CSMD1: variants seen among roughly 807,000 people sequenced by gnomAD.
CSMD1 encodes the protein CUB and sushi domain-containing protein 1.
In CSMD1, 213 loss-of-function variants were observed where a neutral mutation model predicts 417.5. That is an observed-to-expected ratio of 0.51 (90% CI 0.46 to 0.57). CSMD1 has a LOEUF of 0.57. Ranked by LOEUF, CSMD1 falls within the 20% of genes least tolerant of loss-of-function variation. The pLI is 0.00. For missense variants in CSMD1, 6,923 were observed against 4,529.7 expected (o/e 1.53, Z -15.17); for synonymous variants, 2,862 against 1,736.8 (o/e 1.65, Z -16.11).
chr8:3,460,348 T>G (rs1483709946), intron 12 of CSMD1, among the ~76,000 whole-genome samples: 1 of 152,074 alleles, frequency 6.6e-6, no homozygotes, highest in Non-Finnish European at 1.5e-5. Context: ...ACATCAAGTG[T>G]ATGTGAGTGG....
intron 5 of CSMD1, among the ~76,000 whole-genome samples, chr8:3,846,243 A>C (rs1468970768): frequency 1.3e-5 from 2 of 152,200 alleles, no homozygotes; most frequent in Non-Finnish European, 2.9e-5. Context: ...AGATACGTCC[A>C]CAATGCACCA....
At chr8:4,029,309 T>C (rs1797222140) in intron 4 of CSMD1, among the ~76,000 whole-genome samples, 1 of 152,150 alleles carries the variant, frequency 6.6e-6, no homozygotes, top group South Asian at 2.1e-4. Context: ...TTCACGCTGG[T>C]GATAATGCAT....
At chr8:3,622,988 A>G (rs1796328836) in intron 7 of CSMD1, among the ~76,000 whole-genome samples, 1 of 152,240 alleles carries the variant, frequency 6.6e-6, no homozygotes, top group Non-Finnish European at 1.5e-5. Flanking sequence ...CATAGAACAC[A>G]TGACATAGAT....
In CSMD1 at chr8:3,169,702, A is replaced by G. The variant is rs137952732; in HGVS notation, c.5726-7425T>C. Among the ~76,000 whole-genome samples the G allele has an allele frequency of 4.0e-3, 586 of 147,844 alleles. 6 individuals are homozygous for G. Among genetic ancestry groups the G allele is most frequent in the African/African-American group, 0.013 (535 of 40,324 alleles). On this transcript the variant is annotated intron_variant, in intron 37 of 69. Coordinates refer to ENST00000635120, the MANE Select transcript of CSMD1 (RefSeq NM_033225.6). ...ATAGAAAGGACTGAGGAGCCCGCTGAGTCTAGAGCTAGAAATATAGCACAA... is the reference window on the plus strand; with the variant it reads ...ATAGAAAGGACTGAGGAGCCCGCTGGGTCTAGAGCTAGAAATATAGCACAA...
intron 5 of CSMD1, among the ~76,000 whole-genome samples, chr8:3,834,898 G>C (rs886776192): frequency 6.6e-6 from 1 of 151,972 alleles, no homozygotes; most frequent in Admixed American, 6.6e-5. Flanking sequence ...CCATCAAAAA[G>C]TGGGTGAAGG....
chr8:3,401,622 G>T (rs1812044000), intron 15 of CSMD1, among the ~76,000 whole-genome samples: 1 of 152,196 alleles, frequency 6.6e-6, no homozygotes, highest in African/African-American at 2.4e-5. Flanking sequence ...AGTAGCTACA[G>T]TTGGAAGTGA....
At chr8:3,977,268 G>T (rs1813505603) in intron 5 of CSMD1, among the ~76,000 whole-genome samples, 1 of 152,048 alleles carries the variant, frequency 6.6e-6, no homozygotes, top group Admixed American at 6.6e-5. Context: ...CCCACACTAT[G>T]ATCCAAGGAG....
intron 10 of CSMD1, among the ~76,000 whole-genome samples, chr8:3,545,699 C>T (rs148268044): frequency 9.2e-5 from 14 of 152,232 alleles, no homozygotes; most frequent in Admixed American, 6.5e-4. Context: ...CACTTAACTG[C>T]GAATCACAGC....
At chr8:4,281,849 C>T (rs982783611) in intron 3 of CSMD1, among the ~76,000 whole-genome samples, 1 of 152,114 alleles carries the variant, frequency 6.6e-6, no homozygotes, top group Admixed American at 6.5e-5. Context: ...CATAAACACA[C>T]CTAACATGCA....
intron 3 of CSMD1, among the ~76,000 whole-genome samples, chr8:4,145,092 G>C (rs1412745158): frequency 6.6e-6 from 1 of 151,168 alleles, no homozygotes; most frequent in Non-Finnish European, 1.5e-5. Context: ...TGTTAAAAAT[G>C]TAACTTGGTT....
intron 2 of CSMD1, among the ~76,000 whole-genome samples, chr8:4,580,608 C>T (rs921539506): frequency 6.6e-6 from 1 of 152,062 alleles, no homozygotes; most frequent in Non-Finnish European, 1.5e-5. Flanking sequence ...CATAACTGCT[C>T]TCTCCCCTCC....
chr8:4,165,663 A>G (rs1230084849), intron 3 of CSMD1, among the ~76,000 whole-genome samples: 1 of 152,172 alleles, frequency 6.6e-6, no homozygotes, highest in Non-Finnish European at 1.5e-5. Flanking sequence ...TTGGCCTCCC[A>G]AAGTGCCGGA....
intron 3 of CSMD1, among the ~76,000 whole-genome samples, chr8:4,194,314 G>A (rs1799206606): frequency 6.6e-6 from 1 of 152,078 alleles, no homozygotes; most frequent in Admixed American, 6.6e-5. Context: ...ATTCCTATAG[G>A]ATGGGATTTA....
intron 2 of CSMD1, among the ~76,000 whole-genome samples, chr8:4,511,878 C>T (rs940544379): frequency 7.2e-5 from 11 of 152,138 alleles, no homozygotes; most frequent in African/African-American, 2.7e-4. Flanking sequence ...CCTCCTCCTG[C>T]TTCCAGCTTG....
chr8:4,875,824 GACACACACAC>G (rs146525901), intron 1 of CSMD1, among the ~76,000 whole-genome samples: 1 of 149,842 alleles, frequency 6.7e-6, no homozygotes, highest in Admixed American at 6.7e-5. Flanking sequence ...CACAGAGACA[GACACACACAC>G]ACACACACAA....
intron 49 of CSMD1, among the ~76,000 whole-genome samples, chr8:3,085,378 A>G (rs1204243831): frequency 6.6e-6 from 1 of 152,224 alleles, no homozygotes; most frequent in East Asian, 1.9e-4. Context: ...TACTTCTTAA[A>G]TATTTTATAA....
chr8:3,837,225 G>A (rs951468802), intron 5 of CSMD1, among the ~76,000 whole-genome samples: 4 of 152,068 alleles, frequency 2.6e-5, no homozygotes, highest in Admixed American at 6.5e-5. Flanking sequence ...TTCCAGAATA[G>A]ATGTGCATAG....
intron 3 of CSMD1, among the ~76,000 whole-genome samples, chr8:4,058,948 G>C (rs1023823179): frequency 2.0e-5 from 3 of 152,000 alleles, no homozygotes; most frequent in Non-Finnish European, 2.9e-5. Flanking sequence ...GGGCCTAACA[G>C]ACATCTACAG....
chr8:4,796,166 G>A (rs1024478528), intron 1 of CSMD1, among the ~76,000 whole-genome samples: 4 of 151,696 alleles, frequency 2.6e-5, no homozygotes, highest in Admixed American at 6.6e-5. Flanking sequence ...AGGTGGTTTC[G>A]ACAATGAAGG....
Sources: gnomAD v4.1 joint callset for allele counts (sites outside exome capture counted in the v4.1 genomes callset) on GRCh38, gnomAD v4.1.1 for gene constraint, MANE v1.5 for transcripts, NCBI Gene and HGNC (gene_info 2026-07-23, HGNC 2026-07-21) for gene names.